RAB11FIP5: variants seen among roughly 807,000 people sequenced by gnomAD.
RAB11FIP5 encodes rab11 family-interacting protein 5.
In RAB11FIP5, 48 loss-of-function variants were observed where a neutral mutation model predicts 85.1. That is an observed-to-expected ratio of 0.56 (90% CI 0.45 to 0.72). The LOEUF is 0.72. Ranked by LOEUF, RAB11FIP5 falls within the 30% of genes least tolerant of loss-of-function variation. The pLI is 0.00. For missense variants in RAB11FIP5, 1,491 were observed against 1,687.0 expected, an observed-to-expected ratio of 0.88 and a Z score of 2.04; for synonymous variants, 729 against 727.3, an observed-to-expected ratio of 1.00 and a Z score of -0.04.
Position 73,112,394 on chromosome 2 carries a change from C to T in RAB11FIP5, c.384G>A (p.Thr128=), listed in dbSNP as rs772589778. ...CGCCGAAGACCTCGTCCAGCGCCAC[C>T]GTGGCCTGGCCCAGGAACTTGTCGA... is the stretch of plus-strand genomic sequence containing the variant. The part of the protein sequence containing the change: ...IGVDKFLGQA[T]VALDEVFGAG... The change falls in exon 1 of 6, where the codon ACG becomes ACA. Residue 128 remains threonine, a synonymous_variant. Coordinates refer to ENST00000486777, the MANE Select transcript of RAB11FIP5 (RefSeq NM_001371272.1). 5.6e-6 allele frequency: 9 copies of T among 1,601,138 alleles called. No homozygotes were observed. Among genetic ancestry groups the T allele is most frequent in the East Asian group, 2.3e-5 (1 of 43,664 alleles).
In RAB11FIP5 at chr2:73,081,495, GGCAGCGGCAGCA is replaced by G. The variant is rs2106104461; in HGVS notation, c.1725_1736del (p.Ala577_Ala580del). 1 of 1,234,588 alleles carries G rather than the reference GGCAGCGGCAGCA, an allele frequency of 8.1e-7. No homozygotes were observed. Among genetic ancestry groups the G allele is most frequent in the African/African-American group, 1.5e-5 (1 of 64,544 alleles). 76.5% of individuals were successfully genotyped at this position (1,234,588 alleles called of 1,614,324 possible). A position where few individuals can be genotyped will look rare whatever the true frequency, so the allele number is the denominator to read the frequency against. On this transcript the variant is annotated inframe_deletion, in exon 4 of 6. Transcript: ENST00000486777. This position sits in a 1 kb window ranked among gnomAD's most constrained non-coding sequence, Gnocchi z 4.2. ...TGGCTTCAGGGGCGGCGGTGGTGGC[GGCAGCGGCAGCA>G]GTGGCAGCAGCGGGGGAGGCGGCTG...
At position 73,075,385 on chromosome 2, in the gene RAB11FIP5, T is replaced by G; in HGVS notation, c.*136A>C. 1 of 922,166 alleles carries G rather than the reference T, an allele frequency of 1.1e-6. No individual in the cohort carries two copies. The highest frequency in any genetic ancestry group is 1.8e-6 in the Non-Finnish European group (1 of 564,624). The allele number at this position is 922,166 out of a possible 1,614,324, so 57.1% of individuals were successfully genotyped here. ...AGGGCCCCCTTCCAGCAGCCCCAGT[T>G]GAGGCAGGAGGGAGAGGAGCAAGGA... On this transcript the variant is annotated 3_prime_UTR_variant, in exon 6 of 6. Coordinates refer to ENST00000486777, the MANE Select transcript of RAB11FIP5 (RefSeq NM_001371272.1). This position sits in a 1 kb window ranked among gnomAD's most constrained non-coding sequence, Gnocchi z 4.6.
At chr2:73,111,343 G>A (rs1397699668) in intron 1 of RAB11FIP5, among the ~76,000 whole-genome samples, 1 of 152,086 alleles carries the variant, frequency 6.6e-6, no homozygotes, top group Non-Finnish European at 1.5e-5. Flanking sequence ...TTCCACTGGG[G>A]CAAACCTTTC....
At chr2:73,092,401 T>C (rs984445478) in intron 1 of RAB11FIP5, among the ~76,000 whole-genome samples, 1 of 152,216 alleles carries the variant, frequency 6.6e-6, no homozygotes, top group African/African-American at 2.4e-5. Context: ...TGCAGGGAAC[T>C]AGCACTTCCT....
intron 4 of RAB11FIP5, 67 bp from the exon 5 acceptor site, chr2:73,076,249 C>G: frequency 7.0e-7 from 1 of 1,419,690 alleles, no homozygotes; most frequent in South Asian, 1.2e-5. Context: ...GTGGGGCTGC[C>G]TTCCCTGTGG....
At chr2:73,101,643 C>T (rs1684431218) in intron 1 of RAB11FIP5, among the ~76,000 whole-genome samples, 4 of 152,258 alleles carry the variant, frequency 2.6e-5, no homozygotes, top group Admixed American at 2.0e-4. Context: ...AGGACACAGG[C>T]TTTCCCTCCT....
At chr2:73,103,799 A>T (rs1684474690) in intron 1 of RAB11FIP5, among the ~76,000 whole-genome samples, 1 of 152,090 alleles carries the variant, frequency 6.6e-6, no homozygotes, top group South Asian at 2.1e-4. Flanking sequence ...AAAAGCAACA[A>T]CCCTGCCCAG....
chr2:73,111,592 G>T (rs1416124609), intron 1 of RAB11FIP5, among the ~76,000 whole-genome samples: 1 of 152,222 alleles, frequency 6.6e-6, no homozygotes, highest in Non-Finnish European at 1.5e-5. Context: ...CTGGCCCACT[G>T]AGGTGGAAGT....
At position 73,105,126 on chromosome 2, in the gene RAB11FIP5, G is replaced by A. The variant is rs551745644; in HGVS notation, c.431+7221C>T. Among the ~76,000 whole-genome samples, 4 of 152,346 alleles carry A rather than the reference G, an allele frequency of 2.6e-5. No individual in the cohort carries two copies. The East Asian group carries it at 5.8e-4, about 22-fold the overall frequency. Reference sequence around the variant, plus strand: ...CATGTGACGTCTTGGGAAGGATTACGGAGTCTGGTATGTGCTGATGCCCCC... The same window carrying A: ...CATGTGACGTCTTGGGAAGGATTACAGAGTCTGGTATGTGCTGATGCCCCC... On this transcript the variant is annotated intron_variant, in intron 1 of 5. Coordinates refer to ENST00000486777, the MANE Select transcript of RAB11FIP5 (RefSeq NM_001371272.1).
rs895836394 is a variant in RAB11FIP5 at position 73,086,004 on chromosome 2, T to C, written c.1568+2046A>G. On this transcript the variant is annotated intron_variant, in intron 3 of 5. Transcript: ENST00000486777. This position sits in a 1 kb window ranked among gnomAD's most constrained non-coding sequence, Gnocchi z 4.4. ...TGCCATGAGGCAGCCCACCTCTCCTTCTCTCCTCAGAGGCCCTAAGCAAGC... is the reference window on the plus strand; with the variant it reads ...TGCCATGAGGCAGCCCACCTCTCCTCCTCTCCTCAGAGGCCCTAAGCAAGC... Among the ~76,000 whole-genome samples, 5 of 152,130 alleles carry C rather than the reference T, an allele frequency of 3.3e-5. No individual in the cohort carries two copies. The South Asian group carries it at 1.0e-3, about 32-fold the overall frequency.
rs913546711 is a variant in RAB11FIP5, at chr2:73,080,469, G to A, written c.2763C>T (p.Ala921=). 30 of 1,233,542 alleles carry A rather than the reference G, an allele frequency of 2.4e-5. No individual in the cohort carries two copies. Among genetic ancestry groups the A allele is most frequent in the East Asian group, 6.3e-5 (2 of 31,744 alleles). 76.4% of individuals were successfully genotyped at this position (1,233,542 alleles called of 1,614,324 possible). ...SRSQEEEEEK[A]AVGLSNRGPE... Reference sequence around the variant, plus strand: ...GCCCCCTGTTACTCAGCCCCACTGCGGCCTTCTCCTCCTCCTCCTCCTGGG... The same window carrying A: ...GCCCCCTGTTACTCAGCCCCACTGCAGCCTTCTCCTCCTCCTCCTCCTGGG... The change falls in exon 4 of 6, where the codon GCC becomes GCT. Residue 921 remains alanine, a synonymous_variant. Transcript: ENST00000486777.
chr2:73,110,485 C>A (rs1558525402), intron 1 of RAB11FIP5, among the ~76,000 whole-genome samples: 1 of 151,954 alleles, frequency 6.6e-6, no homozygotes, highest in Admixed American at 6.6e-5. Context: ...CTGTTCCCCC[C>A]CCGGTTCTAT....
Position 73,080,839 on chromosome 2 carries a change from C to A in RAB11FIP5, c.2393G>T (p.Trp798Leu). Residue 798 changes from tryptophan (W) to leucine (L), a missense_variant, in exon 4 of 6, where the codon TGG (tryptophan) becomes TTG (leucine). Physicochemically the swap from Trp to Leu is moderately conservative, Grantham distance 61. Coordinates refer to ENST00000486777, the MANE Select transcript of RAB11FIP5 (RefSeq NM_001371272.1). ...LFSSPEVISV[W>L]ERLPGPESAA... Reference sequence around the variant, plus strand: ...GCTCTCTGGGCCCGGCAGCCTCTCCCACACACTGATCACTTCTGGGGAGCT... The same window carrying A: ...GCTCTCTGGGCCCGGCAGCCTCTCCAACACACTGATCACTTCTGGGGAGCT... 1 of 1,232,528 alleles carries A rather than the reference C, an allele frequency of 8.1e-7. No homozygotes were observed. Among genetic ancestry groups the A allele is most frequent in the South Asian group, 4.1e-5 (1 of 24,324 alleles). 76.3% of individuals were successfully genotyped at this position (1,232,528 alleles called of 1,614,324 possible). A position where few individuals can be genotyped will look rare whatever the true frequency, so the allele number is the denominator to read the frequency against.
rs551237991 is a variant in RAB11FIP5 at position 73,079,367 on chromosome 2, C to G, written c.3581+284G>C. On this transcript the variant is annotated intron_variant, in intron 4 of 5. Transcript: ENST00000486777. ...CCTGCCAGCCCACATCGGCTCTCCC[C>G]ACTTCATTCCTTATACCCTGCACCT... Among the ~76,000 whole-genome samples, 5 of 152,336 alleles carry G rather than the reference C, an allele frequency of 3.3e-5. No individual in the cohort carries two copies. In the South Asian group the frequency reaches 1.0e-3, roughly 32 times the overall value.
In RAB11FIP5 at chr2:73,078,814, C is replaced by T. The variant is rs2106101947; in HGVS notation, c.3581+837G>A. Among the ~76,000 whole-genome samples, 1 of 152,310 alleles carries T rather than the reference C, an allele frequency of 6.6e-6. No individual in the cohort carries two copies. Among genetic ancestry groups the T allele is most frequent in the Middle Eastern group, 3.4e-3 (1 of 294 alleles). ...CAGAGGGACTTGCTGCCTTCTAAGT[C>T]ACACCCCATCACCTCCCAGTGCCCT... On this transcript the variant is annotated intron_variant, in intron 4 of 5. Coordinates refer to ENST00000486777, the MANE Select transcript of RAB11FIP5 (RefSeq NM_001371272.1). This position sits in a 1 kb window ranked among gnomAD's most constrained non-coding sequence, Gnocchi z 4.4.
intron 1 of RAB11FIP5, among the ~76,000 whole-genome samples, chr2:73,092,597 T>C (rs1684238748): frequency 6.6e-6 from 1 of 152,246 alleles, no homozygotes; most frequent in East Asian, 1.9e-4. Flanking sequence ...TCAGGTCCTT[T>C]GCCACAAGGA....
At position 73,081,702 on chromosome 2, in the gene RAB11FIP5, G is replaced by A; in HGVS notation, c.1569-39C>T. ...CAAAACCGTGAGCCTCCTGGTTAATGCCAAGACTGGAAAGGCCCCTGAGTC... is the reference window on the plus strand; with the variant it reads ...CAAAACCGTGAGCCTCCTGGTTAATACCAAGACTGGAAAGGCCCCTGAGTC... On this transcript the variant is annotated intron_variant, in intron 3 of 5. Coordinates refer to ENST00000486777, the MANE Select transcript of RAB11FIP5 (RefSeq NM_001371272.1). The surrounding 1 kb of genome is among the most constrained non-coding windows in gnomAD (Gnocchi z 4.2). The A allele has an allele frequency of 4.9e-6, 6 of 1,230,792 alleles. No homozygotes were observed. Among genetic ancestry groups the A allele is most frequent in the Non-Finnish European group, 6.1e-6 (6 of 986,744 alleles). The allele number at this position is 1,230,792 out of a possible 1,614,324, so 76.2% of individuals were successfully genotyped here. A position where few individuals can be genotyped will look rare whatever the true frequency, so the allele number is the denominator to read the frequency against.
At chr2:73,097,076 T>C (rs921410891) in intron 1 of RAB11FIP5, among the ~76,000 whole-genome samples, 1 of 152,052 alleles carries the variant, frequency 6.6e-6, no homozygotes, top group Non-Finnish European at 1.5e-5. Flanking sequence ...TTCACTCTTG[T>C]TGCCCAGGCT....
chr2:73,094,120 CAAAAA>C (rs550613252), intron 1 of RAB11FIP5, among the ~76,000 whole-genome samples: 95 of 84,660 alleles, frequency 1.1e-3, no homozygotes, highest in Middle Eastern at 6.0e-3. Flanking sequence ...GACTTTGTCT[CAAAAA>C]AAAAAAAAAA....
Sources: gnomAD v4.1 joint callset for allele counts (sites outside exome capture counted in the v4.1 genomes callset) on GRCh38, gnomAD v4.1.1 for gene constraint, Gnocchi (gnomAD v3.1) non-coding constraint, MANE v1.5 for transcripts, NCBI Gene and HGNC (gene_info 2026-07-23, HGNC 2026-07-21) for gene names.